The following NCAM1 variants were observed in gnomAD, a reference collection of about 807,000 sequenced individuals.
The protein encoded by NCAM1 is neural cell adhesion molecule 1.
Under a neutral mutation model 109.8 loss-of-function variants are expected in NCAM1, and 14 were observed. The observed-to-expected ratio is 0.13, with a 90% CI of 0.08 to 0.20. NCAM1 has a LOEUF of 0.20. NCAM1 is among the 10% of genes least tolerant of loss of function. The probability of loss-of-function intolerance (pLI) is 1.00; values close to 1 mark genes in which losing one functional copy is unlikely to be tolerated. For synonymous variants in NCAM1, 418 were observed against 442.9 expected (o/e 0.94, Z 0.70); for missense variants, 774 against 1,109.9 (o/e 0.70, Z 4.30).
chr11:113,067,286 G>A (rs977653877), intron 1 of NCAM1, among the ~76,000 whole-genome samples: 1 of 152,130 alleles, frequency 6.6e-6, no homozygotes, highest in African/African-American at 2.4e-5. Context: ...TTACTATCCG[G>A]TTTTCCAGAC....
intron 1 of NCAM1, among the ~76,000 whole-genome samples, chr11:113,021,953 G>C (rs1389669461): frequency 6.6e-6 from 1 of 152,174 alleles, no homozygotes; most frequent in East Asian, 1.9e-4. Flanking sequence ...GTAATGTTTT[G>C]AGCAGAACCA....
chr11:113,235,204 T>C (rs782159021), intron 14 of NCAM1, 40 bp downstream of exon 14: 1 of 1,613,594 alleles, frequency 6.2e-7, no homozygotes, highest in South Asian at 1.1e-5. Flanking sequence ...CAGCCCACCT[T>C]CTTCTCCCTG....
At chr11:113,243,922 G>A in intron 14 of NCAM1, 1 of 175,274 alleles carries the variant, frequency 5.7e-6, no homozygotes, top group Non-Finnish European at 1.2e-5. Context: ...ACACAGCTAA[G>A]GGTCTGCTTT....
intron 1 of NCAM1, among the ~76,000 whole-genome samples, chr11:113,124,292 G>T (rs536610744): frequency 3.9e-5 from 6 of 152,282 alleles, no homozygotes; most frequent in African/African-American, 1.4e-4. Flanking sequence ...TTTTCCGGAG[G>T]TGTCTTTTCT....
intron 1 of NCAM1, among the ~76,000 whole-genome samples, chr11:113,143,835 C>T (rs1046113993): frequency 3.3e-5 from 5 of 152,086 alleles, no homozygotes; most frequent in African/African-American, 4.8e-5. Flanking sequence ...GTCTTATTTG[C>T]GGCATGGCAT....
intron 1 of NCAM1, among the ~76,000 whole-genome samples, chr11:113,009,115 C>T (rs1951965877): frequency 6.6e-6 from 1 of 152,074 alleles, no homozygotes; most frequent in Non-Finnish European, 1.5e-5. Flanking sequence ...GACGGAAACT[C>T]ATAGACATTA....
chr11:112,982,326 G>A (rs1951174901), intron 1 of NCAM1, among the ~76,000 whole-genome samples: 1 of 151,912 alleles, frequency 6.6e-6, no homozygotes, highest in South Asian at 2.1e-4. Context: ...TGTAAAAAGG[G>A]TGCTAGCTGG....
At chr11:113,247,913 C>A (rs1555120595) in intron 15 of NCAM1, among the ~76,000 whole-genome samples, 1 of 152,154 alleles carries the variant, frequency 6.6e-6, no homozygotes, top group Non-Finnish European at 1.5e-5. Context: ...GATGACTGTT[C>A]AGTAGCTGAT....
At chr11:113,116,967 T>G in intron 1 of NCAM1, among the ~76,000 whole-genome samples, 1 of 151,934 alleles carries the variant, frequency 6.6e-6, no homozygotes, top group Non-Finnish European at 1.5e-5. Context: ...TGAGCTCAAG[T>G]GGGCACTCCC....
At chr11:113,060,415 T>C (rs1555083287) in intron 1 of NCAM1, among the ~76,000 whole-genome samples, 1 of 152,230 alleles carries the variant, frequency 6.6e-6, no homozygotes, top group African/African-American at 2.4e-5. Flanking sequence ...GACCCTTTAA[T>C]CAACACCTCT....
rs368551298 is a variant in NCAM1, at chr11:113,046,983, C to T, written c.52+85319C>T. On this transcript the variant is annotated intron_variant, in intron 1 of 19. Coordinates refer to ENST00000316851, the MANE Select transcript of NCAM1 (RefSeq NM_181351.5). ...ATGGCAGTTCATAGATGTGGAAATACACTGGCTGTTAAAGTTCATGCTTTA... is the reference window on the plus strand; with the variant it reads ...ATGGCAGTTCATAGATGTGGAAATATACTGGCTGTTAAAGTTCATGCTTTA... Among the ~76,000 whole-genome samples the T allele has an allele frequency of 3.3e-5, 5 of 152,310 alleles. No individual in the cohort carries two copies. The East Asian group carries it at 7.7e-4, about 24-fold the overall frequency.
At chr11:112,980,579 C>T (rs1565362039) in intron 1 of NCAM1, among the ~76,000 whole-genome samples, 2 of 151,776 alleles carry the variant, frequency 1.3e-5, no homozygotes, top group East Asian at 3.9e-4. Flanking sequence ...ATTGTGTTAG[C>T]TGTTTGTTTG....
Position 113,202,310 on chromosome 11 carries a change from A to C in NCAM1, c.53-69A>C, listed in dbSNP as rs554402394. ...GTTTCATTCTTGAACATTGGAATGT[A>C]CGTTTGAACTGAACTTTGTGGGTTT... On this transcript the variant is annotated intron_variant, in intron 1 of 19. Coordinates refer to ENST00000316851, the MANE Select transcript of NCAM1 (RefSeq NM_181351.5). 27 of 1,418,100 alleles carry C rather than the reference A, an allele frequency of 1.9e-5. No homozygotes were observed. The African/African-American group carries it at 3.5e-4, about 18-fold the overall frequency. 87.8% of individuals were successfully genotyped at this position (1,418,100 alleles called of 1,614,324 possible).
chr11:113,193,235 C>T (rs550128907), intron 1 of NCAM1, among the ~76,000 whole-genome samples: 21 of 152,262 alleles, frequency 1.4e-4, no homozygotes, highest in Admixed American at 4.6e-4. Flanking sequence ...TCAAGTTAGG[C>T]GGGAGTCTCT....
chr11:112,985,545 G>A (rs565710212), intron 1 of NCAM1, among the ~76,000 whole-genome samples: 19 of 151,940 alleles, frequency 1.3e-4, no homozygotes, highest in African/African-American at 4.6e-4. Context: ...CCATGAACAT[G>A]GGACATCTTT....
At chr11:112,980,799 A>G (rs1246053455) in intron 1 of NCAM1, among the ~76,000 whole-genome samples, 1 of 151,844 alleles carries the variant, frequency 6.6e-6, no homozygotes, top group African/African-American at 2.4e-5. Context: ...ATTTATCCTT[A>G]ATTCTTACTA....
At chr11:113,240,934 T>A in intron 14 of NCAM1, 1 of 1,251,372 alleles carries the variant, frequency 8.0e-7, no homozygotes, top group Non-Finnish European at 1.2e-6. Flanking sequence ...ATAATTCAAC[T>A]CAGTTGGTGG....
chr11:113,129,736 A>G (rs1941318303), intron 1 of NCAM1, among the ~76,000 whole-genome samples: 1 of 152,192 alleles, frequency 6.6e-6, no homozygotes, highest in African/African-American at 2.4e-5. Flanking sequence ...GGATTTCAAG[A>G]TTTCTTATGA....
intron 17 of NCAM1, among the ~76,000 whole-genome samples, chr11:113,267,068 TAG>T (rs781931715): frequency 6.6e-6 from 1 of 152,226 alleles, no homozygotes; most frequent in Non-Finnish European, 1.5e-5. Context: ...CCCTGTTTAT[TAG>T]TCCTTTCTCA....
Sources: allele counts gnomAD v4.1 joint callset (sites outside exome capture counted in the v4.1 genomes callset), GRCh38; gene constraint gnomAD v4.1.1; transcripts MANE v1.5; gene names NCBI Gene and HGNC (gene_info 2026-07-23, HGNC 2026-07-21).